The following MYH9 variants were observed in gnomAD, a reference collection of about 807,000 sequenced individuals.
MYH9 encodes myosin heavy chain 9.
A neutral mutation model predicts 241.9 loss-of-function variants in MYH9; 29 were observed. The observed-to-expected ratio is 0.12, with a 90% CI of 0.09 to 0.16. The LOEUF (loss-of-function observed/expected upper bound fraction) is 0.16. Among genes scored for constraint, MYH9 ranks in the 10% least tolerant of loss-of-function variants. The pLI, the probability that MYH9 is intolerant of heterozygous loss-of-function variation, is 1.00. For missense variants in MYH9, 1,803 were observed against 2,595.5 expected (o/e 0.69, Z 6.63); for synonymous variants, 1,047 against 1,062.6 (o/e 0.99, Z 0.29).
chr22:36,374,553 CTAATAACAATTACG>C (rs1021750826), intron 1 of MYH9, among the ~76,000 whole-genome samples: 8 of 152,148 alleles, frequency 5.3e-5, no homozygotes, highest in African/African-American at 1.9e-4. Flanking sequence ...AGAACTGATT[CTAATAACAATTACG>C]TCTCTCTCAA....
chr22:36,340,593 G>C (rs371174491), intron 3 of MYH9, among the ~76,000 whole-genome samples: 1 of 151,876 alleles, frequency 6.6e-6, no homozygotes. Context: ...CCTGGGAAGC[G>C]GAGGTTGCAG....
chr22:36,377,017 C>T (rs1015291772), intron 1 of MYH9, among the ~76,000 whole-genome samples: 6 of 151,364 alleles, frequency 4.0e-5, no homozygotes, highest in Non-Finnish European at 8.8e-5. Context: ...GAGCCAAGAT[C>T]GTGCAACTGT....
chr22:36,303,939 A>G, intron 19 of MYH9, 56 bp downstream of exon 19: 1 of 1,602,858 alleles, frequency 6.2e-7, no homozygotes, highest in Non-Finnish European at 8.5e-7. Flanking sequence ...CCCTTTGGCA[A>G]CAGAAGGGCG....
chr22:36,358,565 C>T (rs1300950300), intron 1 of MYH9, among the ~76,000 whole-genome samples: 2 of 152,182 alleles, frequency 1.3e-5, no homozygotes, highest in Non-Finnish European at 2.9e-5. Flanking sequence ...TGAACTCCCC[C>T]ACCATCTCTC....
intron 6 of MYH9, among the ~76,000 whole-genome samples, chr22:36,322,080 GA>G (rs1569536023): frequency 6.6e-6 from 1 of 152,266 alleles, no homozygotes; most frequent in Admixed American, 6.5e-5. Context: ...CGCAGAGGGG[GA>G]AAGAGACCAG....
chr22:36,354,430 C>G (rs2017819091), intron 1 of MYH9, among the ~76,000 whole-genome samples: 1 of 149,318 alleles, frequency 6.7e-6, no homozygotes, highest in Non-Finnish European at 1.5e-5. Flanking sequence ...TTTTTTTACC[C>G]TCTTATCTAG....
intron 5 of MYH9, chr22:36,325,230 C>G (rs903712442): frequency 9.1e-6 from 6 of 655,776 alleles, no homozygotes; most frequent in Non-Finnish European, 1.6e-5. Flanking sequence ...CTAAATATAA[C>G]TCCTGACGCC....
chr22:36,291,870 C>A (rs563264886), intron 31 of MYH9, 116 bp downstream of exon 31: 31 of 1,502,318 alleles, frequency 2.1e-5, no homozygotes, highest in Middle Eastern at 4.7e-4. Flanking sequence ...TGGCCCCGCA[C>A]GGCCCCTCCC....
chr22:36,317,448 G>A (rs1344038965), intron 11 of MYH9, among the ~76,000 whole-genome samples: 1 of 152,150 alleles, frequency 6.6e-6, no homozygotes, highest in East Asian at 1.9e-4. Flanking sequence ...TTAATGGTCA[G>A]GGAAACGAAC....
intron 1 of MYH9, among the ~76,000 whole-genome samples, chr22:36,384,724 A>C (rs981642558): frequency 2.1e-5 from 3 of 143,896 alleles, no homozygotes; most frequent in South Asian, 2.2e-4. Flanking sequence ...ACAGGGTAGG[A>C]TCTTGATTCC....
intron 9 of MYH9, chr22:36,319,907 C>T (rs1013749325): frequency 1.6e-6 from 1 of 610,596 alleles, no homozygotes; most frequent in Non-Finnish European, 2.9e-6. Flanking sequence ...CTATCCCCAG[C>T]TTCTTCCACA....
rs2016952148 is a variant in MYH9, at chr22:36,305,378, C to T, written c.2160-276G>A. On this transcript the variant is annotated intron_variant, in intron 17 of 40. Transcript: ENST00000216181. The surrounding 1 kb of genome is among the most constrained non-coding windows in gnomAD (Gnocchi z 4.7). Reference sequence around the variant, plus strand: ...GGCGTGCTTCAGGTTGGACTAAGTGCTAATTGCCTGAGATCCTCATCTGTC... The same window carrying T: ...GGCGTGCTTCAGGTTGGACTAAGTGTTAATTGCCTGAGATCCTCATCTGTC... 1.3e-5 allele frequency among the ~76,000 whole-genome samples: 2 copies of T among 152,116 alleles called. No homozygotes were observed. The highest frequency in any genetic ancestry group is 1.3e-4 in the Admixed American group (2 of 15,276).
At chr22:36,318,592 G>A (rs1272444536) in intron 10 of MYH9, among the ~76,000 whole-genome samples, 1 of 152,152 alleles carries the variant, frequency 6.6e-6, no homozygotes, top group Non-Finnish European at 1.5e-5. Context: ...GAGCCCCACG[G>A]GGCAGAGAGG....
intron 1 of MYH9, among the ~76,000 whole-genome samples, chr22:36,381,943 G>A (rs1207793927): frequency 6.6e-6 from 1 of 152,144 alleles, no homozygotes; most frequent in East Asian, 1.9e-4. Flanking sequence ...TAGTCGGAAG[G>A]AGTATGCTTT....
At chr22:36,284,035 C>T in intron 40 of MYH9, 58 bp downstream of exon 40, 1 of 1,586,488 alleles carries the variant, frequency 6.3e-7, no homozygotes, top group Non-Finnish European at 8.6e-7. Context: ...GGTTGAGGAA[C>T]AAGCTACCTT....
chr22:36,313,229 C>T (rs2017094511), intron 13 of MYH9, among the ~76,000 whole-genome samples: 1 of 151,690 alleles, frequency 6.6e-6, no homozygotes, highest in South Asian at 2.1e-4. Context: ...TTTGGGAGGC[C>T]GAGGAGGGCA....
chr22:36,332,678 A>AC (rs955014007), intron 3 of MYH9, among the ~76,000 whole-genome samples: 5 of 151,084 alleles, frequency 3.3e-5, no homozygotes, highest in Non-Finnish European at 5.9e-5. Flanking sequence ...AAAAAAAAAA[A>AC]AAAAAAAAAA....
chr22:36,286,044 TC>T, intron 35 of MYH9, 91 bp from the exon 36 acceptor site: 1 of 1,412,340 alleles, frequency 7.1e-7, no homozygotes, highest in Non-Finnish European at 9.8e-7. Context: ...CTCAAGCCCT[TC>T]CCCAGGCCCA....
chr22:36,294,870 A>G, intron 27 of MYH9, 62 bp downstream of exon 27: 3 of 1,600,728 alleles, frequency 1.9e-6, no homozygotes, highest in East Asian at 2.2e-5. Flanking sequence ...ACTGGTTTGG[A>G]TTCTGTGGGC....
Sources: gnomAD v4.1 joint callset for allele counts (sites outside exome capture counted in the v4.1 genomes callset) on GRCh38, gnomAD v4.1.1 for gene constraint, Gnocchi (gnomAD v3.1) non-coding constraint, MANE v1.5 for transcripts, NCBI Gene and HGNC (gene_info 2026-07-23, HGNC 2026-07-21) for gene names.